MCM3AP: variants seen among roughly 807,000 people sequenced by gnomAD.
MCM3AP encodes germinal-center associated nuclear protein.
A neutral mutation model predicts 184.1 loss-of-function variants in MCM3AP; 126 were observed. The ratio of observed to expected loss-of-function variants is 0.68; its 90% CI spans 0.59 to 0.79. The LOEUF (loss-of-function observed/expected upper bound fraction) is 0.79, where lower values mean the gene tolerates loss of function less well. MCM3AP is among the 30% of genes least tolerant of loss of function. MCM3AP has a pLI of 0.00. For synonymous variants in MCM3AP, 1,002 were observed against 979.3 expected (o/e 1.02, Z -0.43); for missense variants, 2,496 against 2,479.2 (o/e 1.01, Z -0.14).
chr21:46,235,370 G>A lies in MCM3AP; in HGVS notation c.5841C>T (p.Gly1947=), dbSNP rs775558146. 1.2e-5 allele frequency: 20 copies of A among 1,613,892 alleles called. No individual in the cohort carries two copies. Among genetic ancestry groups the A allele is most frequent in the African/African-American group, 1.1e-4 (8 of 74,872 alleles). ...GCCTTTCCAGGTGCTTTAGTCGTTC[G>A]CCTAGACACGTTCCTGTCGCCTCTG... The part of the protein sequence containing the change: ...QLSEATGTCL[G]ERLKHLERLI... The change falls in exon 28 of 28, where the codon GGC becomes GGT. Residue 1947 remains glycine, a synonymous_variant. Coordinates refer to ENST00000291688, the MANE Select transcript of MCM3AP (RefSeq NM_003906.5).
In MCM3AP at chr21:46,270,546, T is replaced by C. The variant is rs1480106720; in HGVS notation, c.2483A>G (p.His828Arg). ...GDILREVQQF[H>R]PAVRNSSEVK... The stretch of plus-strand genomic sequence containing the variant: ...CTCAGATGAGTTTCTAACAGCAGGA[T>C]GGAACTGTTGTACTTCTCTGTTAAT... The change falls in exon 9 of 28, where the codon CAT (histidine) becomes CGT (arginine). Residue 828 changes from histidine to arginine, a missense_variant. Transcript: ENST00000291688. 2 of 1,610,376 alleles carry C rather than the reference T, an allele frequency of 1.2e-6. No homozygotes were observed. The highest frequency in any genetic ancestry group is 2.2e-5 in the East Asian group (1 of 44,818).
Position 46,273,598 on chromosome 21 carries a change from A to G in MCM3AP, c.1999-13T>C, listed in dbSNP as rs759566923. 9 of 1,611,630 alleles carry G rather than the reference A, an allele frequency of 5.6e-6. No homozygotes were observed. The South Asian group carries it at 7.7e-5, about 14-fold the overall frequency. The stretch of plus-strand genomic sequence containing the variant: ...CTGCGTGGTCCACCTAGAGACATGA[A>G]GCCGAGACAGGATGCCCATGTGGCA... On this transcript the variant is annotated splice_polypyrimidine_tract_variant and intron_variant, in intron 6 of 27. Coordinates refer to ENST00000291688, the MANE Select transcript of MCM3AP (RefSeq NM_003906.5).
At position 46,272,622 on chromosome 21, in the gene MCM3AP, TG is replaced by T; in HGVS notation, c.2403del (p.Ser802AlafsTer20). On this transcript the variant is annotated frameshift_variant, in exon 8 of 28. Coordinates refer to ENST00000291688, the MANE Select transcript of MCM3AP (RefSeq NM_003906.5). LOFTEE classifies it high-confidence loss of function. ...QDLRNKGVFC[A>X]SEAEFQGYNV... is the part of the protein sequence containing the mutation. ...TTGTAGCCCTGGAACTCCGCTTCGC[TG>T]GCACAGAAGACACCCTTGTTTCTCA... 1 of 1,614,226 alleles carries T rather than the reference TG, an allele frequency of 6.2e-7. No homozygotes were observed. Among genetic ancestry groups the T allele is most frequent in the Non-Finnish European group, 8.5e-7 (1 of 1,180,030 alleles).
intron 5 of MCM3AP, among the ~76,000 whole-genome samples, chr21:46,276,364 A>G (rs978606307): frequency 2.6e-5 from 4 of 152,162 alleles, no homozygotes; most frequent in African/African-American, 9.7e-5. Flanking sequence ...TTTTATTACT[A>G]TATGTTATTA....
At chr21:46,260,650 A>T in intron 15 of MCM3AP, 143 bp downstream of exon 15, 1 of 623,366 alleles carries the variant, frequency 1.6e-6, no homozygotes, top group Non-Finnish European at 2.8e-6. Context: ...GGACTGCATC[A>T]AATACATTTG....
chr21:46,257,474 CAAAAA>C (rs369556689), intron 16 of MCM3AP, among the ~76,000 whole-genome samples: 2 of 49,346 alleles, frequency 4.1e-5, no homozygotes, highest in East Asian at 9.5e-4. Context: ...GGCTCCGTCT[CAAAAA>C]AAAAAAAAAA....
At position 46,285,561 on chromosome 21, in the gene MCM3AP, G is replaced by T; in HGVS notation, c.-275C>A. On this transcript the variant is annotated 5_prime_UTR_variant, in exon 1 of 28. Coordinates refer to ENST00000291688, the MANE Select transcript of MCM3AP (RefSeq NM_003906.5). ...TTTGTTGGAGGGTGGGGTAGAGAGT[G>T]GTACAAATAATTACTTTGTTACAGA... 2.6e-6 allele frequency: 1 copy of T among 391,742 alleles called. No individual in the cohort carries two copies. The highest frequency in any genetic ancestry group is 4.6e-6 in the Non-Finnish European group (1 of 218,290). The allele number at this position is 391,742 out of a possible 1,614,324, so 24.3% of individuals were successfully genotyped here. A position where few individuals can be genotyped will look rare whatever the true frequency, so the allele number is the denominator to read the frequency against.
Position 46,264,107 on chromosome 21 carries a change from T to C in MCM3AP, c.3335+10A>G, listed in dbSNP as rs2081076702. On this transcript the variant is annotated intron_variant, in intron 13 of 27. Coordinates refer to ENST00000291688, the MANE Select transcript of MCM3AP (RefSeq NM_003906.5). ...CACGTAGCAGGAGGGGAGCACGAGA[T>C]GCCACTCACCCCAGGGCGGCAGCTG... 5.0e-6 allele frequency: 8 copies of C among 1,605,692 alleles called. No homozygotes were observed. The highest frequency in any genetic ancestry group is 1.1e-5 in the South Asian group (1 of 90,884).
intron 19 of MCM3AP, chr21:46,254,187 G>C (rs2080913211): frequency 3.3e-6 from 2 of 614,936 alleles, no homozygotes; most frequent in South Asian, 4.0e-5. Flanking sequence ...AATACACCAA[G>C]TTTATGGAAT....
In MCM3AP at chr21:46,280,152, G is replaced by T; in HGVS notation, c.1523-15C>A. 5.6e-6 allele frequency: 9 copies of T among 1,613,402 alleles called. No individual in the cohort carries two copies. Among genetic ancestry groups the T allele is most frequent in the Non-Finnish European group, 7.6e-6 (9 of 1,179,750 alleles). On this transcript the variant is annotated splice_polypyrimidine_tract_variant and intron_variant, in intron 3 of 27. Transcript: ENST00000291688. ...CTTATTGGGGCCTGTGGACATAGGA[G>T]GCAGAAAAGAGTTTATGCAATCACA... is the stretch of plus-strand genomic sequence containing the variant.
chr21:46,254,813 G>C lies in MCM3AP; in HGVS notation c.3964C>G (p.Gln1322Glu). The change falls in exon 18 of 28, where the codon CAG becomes GAG. Residue 1322 changes from glutamine (Q) to glutamate (E), a missense_variant. Around this residue, in one of 5 missense-constraint regions of MCM3AP, gnomAD observed 1,323 missense variants for 1,273.4 expected, o/e 1.04. Transcript: ENST00000291688. ...TGGTAGAAGTGCTGAACCTTCATCT[G>C]GTGAGCTGTCTTGTTTCTGAGCCGC... Reference protein sequence around the residue: ...LRRLRNKTAHQMKVQHFYQQL... With the variant: ...LRRLRNKTAHEMKVQHFYQQL... 6.2e-7 allele frequency: 1 copy of C among 1,614,086 alleles called. No homozygotes were observed. The highest frequency in any genetic ancestry group is 1.1e-5 in the South Asian group (1 of 91,084).
chr21:46,280,393 C>T, intron 3 of MCM3AP, 104 bp downstream of exon 3: 1 of 920,954 alleles, frequency 1.1e-6, no homozygotes, highest in Non-Finnish European at 1.7e-6. Context: ...ATGGCTCATG[C>T]CTGTAATCCC....
chr21:46,286,074 TGTGGAGGCCCGGGCGCGCGGAGCTGC>T (rs1399576181), upstream of MCM3AP: 4 of 152,134 alleles, frequency 2.6e-5, no homozygotes, highest in East Asian at 3.9e-4. Flanking sequence ...TTAGCGACGA[TGTGGAGGCCCGGGCGCGCGGAGCTGC>T]GTGGGGGAAG....
intron 22 of MCM3AP, among the ~76,000 whole-genome samples, chr21:46,245,946 A>C (rs2080758777): frequency 6.6e-6 from 1 of 152,254 alleles, no homozygotes; most frequent in Non-Finnish European, 1.5e-5. Flanking sequence ...AAAAACACTA[A>C]AAAATTTTAC....
In MCM3AP at chr21:46,263,060, T is replaced by C. The variant is rs1601521725; in HGVS notation, c.3335+1057A>G. Among the ~76,000 whole-genome samples, 3 of 149,320 alleles carry C rather than the reference T, an allele frequency of 2.0e-5. No individual in the cohort carries two copies. In the Middle Eastern group the frequency reaches 0.011, roughly 541 times the overall value. On this transcript the variant is annotated intron_variant, in intron 13 of 27. Transcript: ENST00000291688. Reference sequence around the variant, plus strand: ...AAATCCTCAACAAGGCCAGGTGCGGTGGCTCACACCTGTAATCCCAGCAGT... The same window carrying C: ...AAATCCTCAACAAGGCCAGGTGCGGCGGCTCACACCTGTAATCCCAGCAGT...
intron 19 of MCM3AP, 88 bp downstream of exon 19, chr21:46,254,304 A>G (rs1000575088): frequency 7.0e-7 from 1 of 1,430,804 alleles, no homozygotes; most frequent in Admixed American, 1.7e-5. Context: ...TTCCCATCAC[A>G]CATAAGAGGA....
rs1323791190 is a variant in MCM3AP, at chr21:46,284,221, C to G, written c.1066G>C (p.Gly356Arg). The change falls in exon 1 of 28, where the codon GGC (glycine) becomes CGC (arginine). Residue 356 changes from glycine (G) to arginine (R), a missense_variant. Gly to Arg is a moderately radical substitution (Grantham distance 125). Coordinates refer to ENST00000291688, the MANE Select transcript of MCM3AP (RefSeq NM_003906.5). ...GTTTCCTTTTTGGCCTCCTTGTTGC[C>G]CAGACGACCTACTTCCTTATTGCTT... ...FKSNKEVGRL[G>R]NKEAKKETGF... 2 of 1,614,056 alleles carry G rather than the reference C, an allele frequency of 1.2e-6. No homozygotes were observed. Among genetic ancestry groups the G allele is most frequent in the Non-Finnish European group, 1.7e-6 (2 of 1,180,032 alleles).
intron 5 of MCM3AP, among the ~76,000 whole-genome samples, chr21:46,276,860 C>T (rs2145706510): frequency 6.6e-6 from 1 of 152,200 alleles, no homozygotes; most frequent in East Asian, 1.9e-4. Flanking sequence ...GCCTCAGCCT[C>T]CCAGGTAGCT....
chr21:46,257,970 A>T (rs2080983345), intron 16 of MCM3AP, among the ~76,000 whole-genome samples: 1 of 150,698 alleles, frequency 6.6e-6, no homozygotes, highest in East Asian at 1.9e-4. Context: ...TCAACAGAAG[A>T]CCAGGAAGGT....
Sources: gnomAD v4.1 joint callset for allele counts (sites outside exome capture counted in the v4.1 genomes callset) on GRCh38, gnomAD v4.1.1 for gene constraint, gnomAD v4.1.1 regional missense constraint, MANE v1.5 for transcripts, NCBI Gene and HGNC (gene_info 2026-07-23, HGNC 2026-07-21) for gene names.